Variants in PURG observed in about 807,000 individuals in gnomAD.
The protein encoded by PURG is purine rich element binding protein G.
A neutral mutation model predicts 24.3 loss-of-function variants in PURG; 3 were observed. The observed-to-expected ratio is 0.12, with a 90% confidence interval of 0.06 to 0.32. PURG has a LOEUF of 0.32. Among genes scored for constraint, PURG ranks in the 10% least tolerant of loss-of-function variants. The pLI is 1.00. For missense variants in PURG, 371 were observed against 439.1 expected, an observed-to-expected ratio of 0.84 and a Z score of 1.39; for synonymous variants, 180 against 173.1, an observed-to-expected ratio of 1.04 and a Z score of -0.31.
chr8:31,028,397 C>A (rs192352057), downstream of PURG, among the ~76,000 whole-genome samples: 60 of 151,956 alleles, frequency 3.9e-4, no homozygotes, highest in African/African-American at 1.4e-3. Flanking sequence ...ACACATCCCA[C>A]CTGTCAAGTG....
chr8:31,010,909 T>TG (rs1810749268), intron 1 of PURG, among the ~76,000 whole-genome samples: 1 of 152,240 alleles, frequency 6.6e-6, no homozygotes, highest in South Asian at 2.1e-4. Context: ...TGACCAGTTA[T>TG]GGAAAACTTT....
At chr8:30,997,056 G>T (rs1372754933) in intron 1 of PURG, among the ~76,000 whole-genome samples, 1 of 151,698 alleles carries the variant, frequency 6.6e-6, no homozygotes, top group South Asian at 2.1e-4. Context: ...TAACAGGGTC[G>T]TTTAGGAAAA....
exon 2 of PURG, chr8:30,996,402 G>T (rs905455158): frequency 2.2e-6 from 1 of 444,810 alleles, no homozygotes; most frequent in Admixed American, 3.9e-5. Context: ...GGATAGAGTC[G>T]AAAGGTACTT....
At chr8:31,019,969 G>A (rs958310586) in intron 1 of PURG, among the ~76,000 whole-genome samples, 4 of 150,870 alleles carry the variant, frequency 2.7e-5, no homozygotes, top group African/African-American at 7.3e-5. Flanking sequence ...TCAGGAGTTC[G>A]AGACCAGCCT....
At chr8:31,027,189 G>GT (rs1198151300), downstream of PURG, among the ~76,000 whole-genome samples, 2 of 151,562 alleles carry the variant, frequency 1.3e-5, no homozygotes, top group African/African-American at 4.8e-5. Flanking sequence ...TTTTCAGGCC[G>GT]TGATAAATAT....
chr8:31,009,727 C>T (rs76748651), intron 1 of PURG, among the ~76,000 whole-genome samples: 119 of 152,268 alleles, frequency 7.8e-4, no homozygotes, highest in Middle Eastern at 3.4e-3. Flanking sequence ...TGCTCTAGGG[C>T]CTTCACTGTC....
chr8:31,002,149 C>G (rs1810549147), intron 1 of PURG, among the ~76,000 whole-genome samples: 1 of 152,120 alleles, frequency 6.6e-6, no homozygotes, highest in Non-Finnish European at 1.5e-5. Context: ...CAAAGGGGAT[C>G]TGGGGACTAC....
intron 1 of PURG, among the ~76,000 whole-genome samples, chr8:31,005,160 T>G (rs1490258559): frequency 6.6e-6 from 1 of 152,102 alleles, no homozygotes; most frequent in Admixed American, 6.6e-5. Context: ...AGACCAGGCA[T>G]AGTGGCTTAT....
In PURG at chr8:31,032,024, A is replaced by G. The variant is rs1405231624; in HGVS notation, c.759T>C (p.Gly253=). 6.2e-7 allele frequency: 1 copy of G among 1,614,022 alleles called. No individual in the cohort carries two copies. The highest frequency in any genetic ancestry group is 8.5e-7 in the Non-Finnish European group (1 of 1,179,994). ...YGEGDIEERR[G]GDDDPLELPE... ...GGAGTTCAAGCGGGTCATCGTCTCC[A>G]CCTCTTCGTTCTTCTATGTCTCCTT... The change falls in exon 2 of 2, where the codon GGT becomes GGC. Residue 253 remains glycine, a synonymous_variant. Coordinates refer to ENST00000523392, the MANE Select transcript of PURG (RefSeq NM_001323311.2). This position sits in a 1 kb window ranked among gnomAD's most constrained non-coding sequence, Gnocchi z 5.9.
downstream of PURG, among the ~76,000 whole-genome samples, chr8:31,029,372 T>C (rs1010853867): frequency 6.6e-6 from 1 of 151,860 alleles, no homozygotes; most frequent in Admixed American, 6.6e-5. Flanking sequence ...GCTTAACTAA[T>C]TCTTTACTTA....
chr8:31,009,994 G>A (rs1810734608), intron 1 of PURG, among the ~76,000 whole-genome samples: 1 of 152,132 alleles, frequency 6.6e-6, no homozygotes, highest in Admixed American at 6.5e-5. Flanking sequence ...CTACTCAGGA[G>A]TCTGAGGCGG....
At chr8:31,030,302 A>G (rs1179218469), downstream of PURG, among the ~76,000 whole-genome samples, 3 of 152,174 alleles carry the variant, frequency 2.0e-5, no homozygotes, top group East Asian at 3.9e-4. Context: ...CTTAAATATG[A>G]TTAGATGGAC....
intron 1 of PURG, among the ~76,000 whole-genome samples, chr8:31,024,770 A>G (rs1037308124): frequency 1.4e-4 from 21 of 152,100 alleles, no homozygotes; most frequent in Non-Finnish European, 2.9e-4. Flanking sequence ...AAGTAAGATA[A>G]TCAGATTTAT....
intron 1 of PURG, among the ~76,000 whole-genome samples, chr8:31,013,303 T>C (rs902193265): frequency 1.3e-5 from 2 of 152,166 alleles, no homozygotes; most frequent in Non-Finnish European, 2.9e-5. Flanking sequence ...AGAAAAATAA[T>C]GCAAACTAAC....
chr8:31,032,689 G>C lies in PURG; in HGVS notation c.94C>G (p.Pro32Ala), dbSNP rs773395908. The C allele has an allele frequency of 2.0e-6, 3 of 1,521,622 alleles. No individual in the cohort carries two copies. The South Asian group carries it at 3.8e-5, about 19-fold the overall frequency. The allele number at this position is 1,521,622 out of a possible 1,614,324, so 94.3% of individuals were successfully genotyped here. ...GGGTAGTGGGAGTGCTGGGCCTGGG[G>C]ATAGAGTCTACTCTTGCTTAGGCCA... The part of the protein sequence containing the change: ...GSGLSKSRLY[P>A]QAQHSHYPHY... The change falls in exon 2 of 2, where the codon CCC (proline) becomes GCC (alanine). Residue 32 changes from proline (P) to alanine (A), a missense_variant. Pro to Ala is a conservative substitution (Grantham distance 27). Around this residue, in one of 5 missense-constraint regions of PURG, gnomAD observed 213 missense variants for 230.6 expected, o/e 0.92. Coordinates refer to ENST00000523392, the MANE Select transcript of PURG (RefSeq NM_001323311.2). The surrounding 1 kb of genome is among the most constrained non-coding windows in gnomAD (Gnocchi z 5.9).
downstream of PURG, among the ~76,000 whole-genome samples, chr8:31,026,162 T>C (rs1055202088): frequency 6.6e-6 from 1 of 151,928 alleles, no homozygotes; most frequent in East Asian, 1.9e-4. Context: ...TGGATAAAGA[T>C]AATAGTAACA....
downstream of PURG, among the ~76,000 whole-genome samples, chr8:31,027,503 C>T (rs923935066): frequency 1.3e-5 from 2 of 151,692 alleles, no homozygotes; most frequent in African/African-American, 2.4e-5. Context: ...AATGATAATA[C>T]ATACATCAGC....
intron 1 of PURG, among the ~76,000 whole-genome samples, chr8:31,006,693 C>A (rs1036256641): frequency 6.6e-5 from 10 of 152,182 alleles, no homozygotes; most frequent in Admixed American, 6.6e-4. Context: ...TATTCATTAT[C>A]ATCTCCACCT....
intron 1 of PURG, among the ~76,000 whole-genome samples, chr8:31,024,609 C>A (rs1811056222): frequency 6.6e-6 from 1 of 152,036 alleles, no homozygotes; most frequent in Non-Finnish European, 1.5e-5. Context: ...CTGTTTGCCA[C>A]CTCTAGGCAA....
Sources: allele counts gnomAD v4.1 joint callset (sites outside exome capture counted in the v4.1 genomes callset), GRCh38; gene constraint gnomAD v4.1.1; regional missense constraint gnomAD v4.1.1; non-coding constraint Gnocchi (gnomAD v3.1); transcripts MANE v1.5; gene names NCBI Gene and HGNC (gene_info 2026-07-23, HGNC 2026-07-21).